Variants in PGCKA1 observed in about 807,000 individuals in gnomAD.
PGCKA1 encodes PDCD10 and GCKIII kinases associated 1.
chr4:37,571,152 G>A, the PGCKA1 span, among the ~76,000 whole-genome samples: 3 of 152,096 alleles, frequency 2.0e-5, no homozygotes, highest in East Asian at 1.9e-4. Context: ...AAGGCAGACA[G>A]CCAACAAGCA....
At chr4:37,554,876 G>A in the PGCKA1 span, among the ~76,000 whole-genome samples, 1 of 152,184 alleles carries the variant, frequency 6.6e-6, no homozygotes, top group Admixed American at 6.5e-5. Context: ...GTAGCTGGAG[G>A]AGTTCCCCAG....
the PGCKA1 span, among the ~76,000 whole-genome samples, chr4:37,459,579 G>A: frequency 6.6e-6 from 1 of 152,042 alleles, no homozygotes; most frequent in South Asian, 2.1e-4. Context: ...TTTGGTCCTC[G>A]AAGTGAGGTC....
At chr4:37,502,478 A>G in the PGCKA1 span, among the ~76,000 whole-genome samples, 1 of 151,976 alleles carries the variant, frequency 6.6e-6, no homozygotes, top group African/African-American at 2.4e-5. Context: ...GTTTTCCACT[A>G]CCACTCTGGT....
the PGCKA1 span, among the ~76,000 whole-genome samples, chr4:37,543,835 A>G: frequency 1.4e-5 from 2 of 147,882 alleles, no homozygotes; most frequent in Non-Finnish European, 3.0e-5. Context: ...CTCCGTCTCA[A>G]AAAAAAAAAA....
chr4:37,513,103 AAAGAAAG>A, the PGCKA1 span, among the ~76,000 whole-genome samples: 296 of 38,494 alleles, frequency 7.7e-3, 21 homozygotes, highest in Middle Eastern at 0.027. Flanking sequence ...AAAAAAAAAG[AAAGAAAG>A]AAAGAAAGAA....
chr4:37,509,251 T>C, the PGCKA1 span, among the ~76,000 whole-genome samples: 22,046 of 80,538 alleles, frequency 0.27, 3,403 homozygotes, highest in African/African-American at 0.34. Flanking sequence ...CCAGAAGGGG[T>C]GGCCAGGCAG....
the PGCKA1 span, among the ~76,000 whole-genome samples, chr4:37,486,789 A>AT: frequency 1.2e-4 from 19 of 152,156 alleles, no homozygotes; most frequent in Non-Finnish European, 2.4e-4. Context: ...AAACATACAC[A>AT]TGCACACACA....
chr4:37,557,989 C>G, the PGCKA1 span: 1 of 152,184 alleles, frequency 6.6e-6, no homozygotes, highest in Non-Finnish European at 1.5e-5. Flanking sequence ...AAGAAGGCAA[C>G]CCACAGATCT....
chr4:37,504,494 A>C, the PGCKA1 span, among the ~76,000 whole-genome samples: 1 of 152,040 alleles, frequency 6.6e-6, no homozygotes, highest in African/African-American at 2.4e-5. Context: ...TAAGGATTGC[A>C]TTGAATCTGT....
chr4:37,538,741 G>C, the PGCKA1 span, among the ~76,000 whole-genome samples: 1 of 152,160 alleles, frequency 6.6e-6, no homozygotes, highest in Admixed American at 6.5e-5. Context: ...TTAATCTCCT[G>C]TTTAGGTTTC....
the PGCKA1 span, among the ~76,000 whole-genome samples, chr4:37,553,794 T>G: frequency 6.6e-6 from 1 of 152,230 alleles, no homozygotes; most frequent in African/African-American, 2.4e-5. Flanking sequence ...TTTTAAAACA[T>G]GCAAGGTACC....
At chr4:37,470,504 T>C in the PGCKA1 span, among the ~76,000 whole-genome samples, 2 of 152,238 alleles carry the variant, frequency 1.3e-5, no homozygotes, top group Non-Finnish European at 2.9e-5. Context: ...TTACCTTCCC[T>C]GTGAAAAGGG....
chr4:37,477,095 A>T, the PGCKA1 span, among the ~76,000 whole-genome samples: 1 of 152,246 alleles, frequency 6.6e-6, no homozygotes, highest in African/African-American at 2.4e-5. Flanking sequence ...ACTTGTACAC[A>T]AATGTTTACA....
the PGCKA1 span, among the ~76,000 whole-genome samples, chr4:37,532,741 G>T: frequency 6.6e-6 from 1 of 152,164 alleles, no homozygotes; most frequent in Non-Finnish European, 1.5e-5. Flanking sequence ...TTTTAATCCT[G>T]TTGTTTAAAA....
At chr4:37,464,860 G>C in the PGCKA1 span, among the ~76,000 whole-genome samples, 3 of 152,202 alleles carry the variant, frequency 2.0e-5, no homozygotes, top group African/African-American at 7.2e-5. Flanking sequence ...GTTTGTATTA[G>C]TGTGAGGCAG....
the PGCKA1 span, among the ~76,000 whole-genome samples, chr4:37,574,980 G>GA: frequency 6.7e-6 from 1 of 148,628 alleles, no homozygotes; most frequent in East Asian, 1.9e-4. Flanking sequence ...TCCATTGTGA[G>GA]AACTCTATAC....
chr4:37,541,853 A>T, the PGCKA1 span, among the ~76,000 whole-genome samples: 2 of 152,158 alleles, frequency 1.3e-5, no homozygotes, highest in Non-Finnish European at 2.9e-5. Context: ...AGGAAATGAG[A>T]CATGGGGCTT....
At chr4:37,496,511 T>C in the PGCKA1 span, among the ~76,000 whole-genome samples, 1 of 152,240 alleles carries the variant, frequency 6.6e-6, no homozygotes, top group South Asian at 2.1e-4. Flanking sequence ...TGTAGCCCTT[T>C]AGTAGAGTTT....
the PGCKA1 span, among the ~76,000 whole-genome samples, chr4:37,526,118 C>T: frequency 5.3e-5 from 8 of 152,194 alleles, no homozygotes; most frequent in Middle Eastern, 3.2e-3. Context: ...CTAGATGTAG[C>T]GGGAGCTCAG....
Sources: allele counts gnomAD v4.1 joint callset (sites outside exome capture counted in the v4.1 genomes callset), GRCh38; gene constraint gnomAD v4.1.1; transcripts MANE v1.5; gene names NCBI Gene and HGNC (gene_info 2026-07-23, HGNC 2026-07-21).